Variants in OPA3 observed in about 807,000 individuals in gnomAD.
The protein encoded by OPA3 is outer mitochondrial membrane lipid metabolism regulator OPA3.
In OPA3, 6 loss-of-function variants were observed where a neutral mutation model predicts 4.0. The ratio of observed to expected loss-of-function variants is 1.51; its 90% confidence interval spans 0.83 to 2.99. The LOEUF (loss-of-function observed/expected upper bound fraction) is 2.99, where lower values mean the gene tolerates loss of function less well. Ranked by LOEUF, OPA3 falls within the 30% of genes most tolerant of loss-of-function variation. OPA3 has a pLI of 0.00. For synonymous variants in OPA3, 105 were observed against 117.1 expected, an observed-to-expected ratio of 0.90 and a Z score of 0.67; for missense variants, 235 against 256.2, an observed-to-expected ratio of 0.92 and a Z score of 0.56.
chr19:45,528,599 T>G (rs568538750), exon 2 of OPA3: 6 of 172,188 alleles, frequency 3.5e-5, no homozygotes, highest in African/African-American at 1.4e-4. Context: ...TGGTGTTCGG[T>G]GCAAAGGATG....
At chr19:45,564,348 A>C (rs1368090306) in intron 1 of OPA3, among the ~76,000 whole-genome samples, 1 of 152,100 alleles carries the variant, frequency 6.6e-6, no homozygotes, top group African/African-American at 2.4e-5. Context: ...CGGTGACAAG[A>C]AGCAGAAGGA....
chr19:45,577,939 A>T (rs1197391308), intron 1 of OPA3, among the ~76,000 whole-genome samples: 1 of 152,238 alleles, frequency 6.6e-6, no homozygotes, highest in Non-Finnish European at 1.5e-5. Context: ...CTTCCTGTAA[A>T]GGGGCAGAGA....
At chr19:45,561,333 C>G (rs1969499307) in intron 1 of OPA3, among the ~76,000 whole-genome samples, 1 of 151,878 alleles carries the variant, frequency 6.6e-6, no homozygotes, top group Non-Finnish European at 1.5e-5. Context: ...AACTCCATCT[C>G]AAAAAAGAAA....
chr19:45,580,091 T>TGG, intron 1 of OPA3, among the ~76,000 whole-genome samples: 1 of 147,520 alleles, frequency 6.8e-6, no homozygotes, highest in East Asian at 2.1e-4. Flanking sequence ...CCGCCTCCCA[T>TGG]GTTCAAGTGA....
chr19:45,573,130 T>C (rs905098038), intron 1 of OPA3, among the ~76,000 whole-genome samples: 13 of 152,058 alleles, frequency 8.5e-5, no homozygotes, highest in African/African-American at 2.9e-4. Context: ...AGACGGAGGT[T>C]TTTTTCTAGT....
chr19:45,541,518 C>T (rs1969185143), downstream of OPA3, among the ~76,000 whole-genome samples: 1 of 152,014 alleles, frequency 6.6e-6, no homozygotes, highest in Non-Finnish European at 1.5e-5. Context: ...CTAGCCTGGG[C>T]AACACAGGGA....
At chr19:45,544,191 C>T (rs1047977229), downstream of OPA3, among the ~76,000 whole-genome samples, 1 of 152,170 alleles carries the variant, frequency 6.6e-6, no homozygotes, top group African/African-American at 2.4e-5. Context: ...TCCCATGATG[C>T]TTCACTGCTC....
chr19:45,553,067 G>T lies in OPA3; in HGVS notation c.*447C>A. 3.7e-6 allele frequency: 4 copies of T among 1,069,280 alleles called. No homozygotes were observed. The highest frequency in any genetic ancestry group is 4.5e-6 in the Non-Finnish European group (4 of 880,416). The allele number at this position is 1,069,280 out of a possible 1,614,324, so 66.2% of individuals were successfully genotyped here. The stretch of plus-strand genomic sequence containing the variant: ...GGAGAAAAGGCCACTGCAACACACT[G>T]CATTTCCTTACAGTGGTCTGTGCCG... On this transcript the variant is annotated 3_prime_UTR_variant, in exon 2 of 2. Coordinates refer to ENST00000263275, the MANE Select transcript of OPA3 (RefSeq NM_025136.4).
chr19:45,531,301 G>A (rs529890833), intron 1 of OPA3, among the ~76,000 whole-genome samples: 14 of 152,094 alleles, frequency 9.2e-5, no homozygotes, highest in South Asian at 8.3e-4. Context: ...GCTTCGTATC[G>A]TGCCACATTT....
chr19:45,553,934 G>C, intron 1 of OPA3, 23 bp from the exon 2 acceptor site: 22 of 1,587,012 alleles, frequency 1.4e-5, no homozygotes, highest in Non-Finnish European at 1.9e-5. Flanking sequence ...AGAGGGGTCA[G>C]GCTGCGCTCT....
chr19:45,551,007 CTGGAG>C lies in OPA3; in HGVS notation c.*2502_*2506del. 1.0e-6 allele frequency: 1 copy of C among 969,088 alleles called. No homozygotes were observed. Among genetic ancestry groups the C allele is most frequent in the Non-Finnish European group, 1.2e-6 (1 of 815,170 alleles). The allele number at this position is 969,088 out of a possible 1,614,324, so 60.0% of individuals were successfully genotyped here. ...AAAGGGTCTCACTCTGTCATCCAGG[CTGGAG>C]TGTAGTGGCGCGATCACGGCTCGCT... is the stretch of plus-strand genomic sequence containing the variant. On this transcript the variant is annotated 3_prime_UTR_variant, in exon 2 of 2. Transcript: ENST00000263275.
chr19:45,584,056 CT>C (rs1969895077), intron 1 of OPA3, among the ~76,000 whole-genome samples: 1 of 152,182 alleles, frequency 6.6e-6, no homozygotes, highest in Non-Finnish European at 1.5e-5. Flanking sequence ...GCTCAAAGTC[CT>C]TTTCCGGATT....
At chr19:45,531,773 G>C (rs1267440978) in intron 1 of OPA3, among the ~76,000 whole-genome samples, 2 of 152,114 alleles carry the variant, frequency 1.3e-5, no homozygotes, top group Non-Finnish European at 2.9e-5. Flanking sequence ...AAGGCAGAGG[G>C]GCTTGTTGTC....
At position 45,549,196 on chromosome 19, in the gene OPA3, A is replaced by G. The variant is rs4802261; in HGVS notation, c.*4318T>C. ...TTATTCTAACCCCTCTCCCCAAATT[A>G]CAAGGTACACAGAATTCTAGCTAGC... On this transcript the variant is annotated 3_prime_UTR_variant, in exon 2 of 2. Coordinates refer to ENST00000263275, the MANE Select transcript of OPA3 (RefSeq NM_025136.4). 0.65 allele frequency: 639,925 copies of G among 985,058 alleles called. 208,986 individuals are homozygous for G. Among genetic ancestry groups the G allele is most frequent in the East Asian group, 0.87 (7,682 of 8,812 alleles). 61.0% of individuals were successfully genotyped at this position (985,058 alleles called of 1,614,324 possible).
chr19:45,529,203 C>G (rs751753401), exon 2 of OPA3: 1 of 1,611,558 alleles, frequency 6.2e-7, no homozygotes, highest in Non-Finnish European at 8.5e-7. Flanking sequence ...ACTCCTCGAG[C>G]GCCAGCCCCA....
chr19:45,580,442 C>CGT (rs1555736266), intron 1 of OPA3, among the ~76,000 whole-genome samples: 10 of 150,408 alleles, frequency 6.6e-5, no homozygotes, highest in East Asian at 2.0e-4. Context: ...TACAGGCATG[C>CGT]GCCACCACGT....
At chr19:45,529,833 C>A (rs1234561044) in intron 1 of OPA3, among the ~76,000 whole-genome samples, 3 of 152,138 alleles carry the variant, frequency 2.0e-5, no homozygotes, top group African/African-American at 4.8e-5. Flanking sequence ...TGGGCTCAAG[C>A]GATCCTCCTC....
intron 1 of OPA3, chr19:45,529,492 G>A (rs766129975): frequency 2.5e-6 from 4 of 1,613,510 alleles, no homozygotes; most frequent in Non-Finnish European, 3.4e-6. Flanking sequence ...GTCTTTTGCA[G>A]GGCAGCCTCC....
intron 1 of OPA3, among the ~76,000 whole-genome samples, chr19:45,565,041 A>G (rs1318174881): frequency 6.6e-6 from 1 of 151,720 alleles, no homozygotes; most frequent in Admixed American, 6.6e-5. Flanking sequence ...CCTGGCCAAC[A>G]TGGTGAAACC....
Sources: allele counts gnomAD v4.1 joint callset (sites outside exome capture counted in the v4.1 genomes callset), GRCh38; gene constraint gnomAD v4.1.1; transcripts MANE v1.5; gene names NCBI Gene and HGNC (gene_info 2026-07-23, HGNC 2026-07-21).